WWC2: variants seen among roughly 807,000 people sequenced by gnomAD.
WWC2 encodes WW and C2 domain containing 2.
In WWC2, 101 loss-of-function variants were observed where a neutral mutation model predicts 138.5. That is an observed-to-expected ratio of 0.73 (90% CI 0.62 to 0.86). The LOEUF is 0.86. Ranked by LOEUF, WWC2 falls within the 40% of genes least tolerant of loss-of-function variation. WWC2 has a pLI of 0.00. For synonymous variants in WWC2, 558 were observed against 538.4 expected (o/e 1.04, Z -0.50); for missense variants, 1,420 against 1,419.4 (o/e 1.00, Z -0.01).
Position 183,217,070 on chromosome 4 carries a change from C to T in WWC2, c.522+8045C>T, listed in dbSNP as rs377061570. Among the ~76,000 whole-genome samples, 7 of 152,314 alleles carry T rather than the reference C, an allele frequency of 4.6e-5. No individual in the cohort carries two copies. In the East Asian group the frequency reaches 5.8e-4, roughly 13 times the overall value. ...CTGAGGCTAGTGCTGCATTGGACTT[C>T]TTCTAACAAAAATTGAAAGCAAACA... On this transcript the variant is annotated intron_variant, in intron 4 of 22. Coordinates refer to ENST00000403733, the MANE Select transcript of WWC2 (RefSeq NM_024949.6).
intron 1 of WWC2, among the ~76,000 whole-genome samples, chr4:183,111,343 AG>A (rs1732224423): frequency 6.6e-6 from 1 of 152,248 alleles, no homozygotes. Flanking sequence ...ATGAAGTGGC[AG>A]TGATATTCAG....
chr4:183,276,358 A>G (rs1383941628), intron 16 of WWC2, among the ~76,000 whole-genome samples: 1 of 151,690 alleles, frequency 6.6e-6, no homozygotes, highest in Non-Finnish European at 1.5e-5. Flanking sequence ...TTATCTTCCT[A>G]TTTGTTTTCT....
intron 16 of WWC2, among the ~76,000 whole-genome samples, chr4:183,273,909 T>C (rs1411655287): frequency 1.3e-5 from 2 of 152,224 alleles, no homozygotes; most frequent in Non-Finnish European, 1.5e-5. Flanking sequence ...TCTGATTCAT[T>C]TGAGTTGTTA....
chr4:183,311,584 T>G (rs916124332), intron 21 of WWC2, among the ~76,000 whole-genome samples: 5 of 144,160 alleles, frequency 3.5e-5, no homozygotes, highest in African/African-American at 5.0e-5. Context: ...GCAGGTTTTT[T>G]TTTTTTTTTT....
intron 21 of WWC2, among the ~76,000 whole-genome samples, chr4:183,306,016 T>G (rs999402978): frequency 6.6e-6 from 1 of 152,202 alleles, no homozygotes; most frequent in Non-Finnish European, 1.5e-5. Context: ...ATTTTGTTAT[T>G]ATAAGGTACT....
At chr4:183,260,016 G>A (rs1342500159) in intron 10 of WWC2, among the ~76,000 whole-genome samples, 1 of 152,176 alleles carries the variant, frequency 6.6e-6, no homozygotes, top group East Asian at 1.9e-4. Flanking sequence ...AAAAGGGAAA[G>A]TGGAGGAGCT....
intron 4 of WWC2, chr4:183,233,525 A>G (rs1238617693): frequency 1.3e-5 from 2 of 152,070 alleles, no homozygotes; most frequent in Non-Finnish European, 2.9e-5. Flanking sequence ...TGTTATTTGT[A>G]TCTTGAGATA....
chr4:183,211,776 A>G (rs115463164), intron 4 of WWC2, among the ~76,000 whole-genome samples: 1,518 of 151,530 alleles, frequency 0.01, 30 homozygotes, highest in African/African-American at 0.035. Flanking sequence ...CCTCAAAAGC[A>G]GAAACAGTGC....
rs540888472 is a variant in WWC2 at position 183,120,226 on chromosome 4, CT to C, written c.131+20605del. ...TTTAAACATTCTCAATGTCAGCTGC[CT>C]GAAAGGGAATGTATATAAATTTTAT... On this transcript the variant is annotated intron_variant, in intron 1 of 22. Transcript: ENST00000403733. Among the ~76,000 whole-genome samples, 117 of 152,204 alleles carry C rather than the reference CT, an allele frequency of 7.7e-4. 1 individual carries two copies. Among genetic ancestry groups the C allele is most frequent in the African/African-American group, 2.7e-3 (111 of 41,516 alleles).
At chr4:183,277,069 C>T (rs531938476) in intron 16 of WWC2, among the ~76,000 whole-genome samples, 31 of 150,620 alleles carry the variant, frequency 2.1e-4, no homozygotes, top group African/African-American at 6.3e-4. Flanking sequence ...CATGCTGGTG[C>T]GCTGCACCCA....
intron 21 of WWC2, among the ~76,000 whole-genome samples, chr4:183,302,376 T>C (rs1738873421): frequency 2.0e-5 from 3 of 152,204 alleles, no homozygotes; most frequent in African/African-American, 7.2e-5. Flanking sequence ...CCTTCTAATG[T>C]TTCTAACTGC....
rs1360818805 is a variant in WWC2 at position 183,296,945 on chromosome 4, A to G, written c.3384+7310A>G. On this transcript the variant is annotated intron_variant, in intron 21 of 22. Transcript: ENST00000403733. ...CGAGACTCCGTCTCAAAAAAAAAAA[A>G]AAAAAAAAAAAAAAAAAAAAAAAAT... Among the ~76,000 whole-genome samples the G allele has an allele frequency of 4.7e-5, 3 of 63,240 alleles. No individual in the cohort carries two copies. In the East Asian group the frequency reaches 1.0e-3, roughly 22 times the overall value. 41.5% of individuals were successfully genotyped at this position (63,240 alleles called of 152,430 possible). A position where few individuals can be genotyped will look rare whatever the true frequency, so the allele number is the denominator to read the frequency against.
At chr4:183,132,745 G>A (rs9762784) in intron 1 of WWC2, among the ~76,000 whole-genome samples, 92 of 152,094 alleles carry the variant, frequency 6.0e-4, no homozygotes, top group African/African-American at 2.0e-3. Context: ...GAGCCACCGC[G>A]CCCGGCCGAT....
intron 16 of WWC2, among the ~76,000 whole-genome samples, chr4:183,280,229 G>GTTTTTTTTTTTTTTTTTTTTTTTT (rs869235261): frequency 1.1e-4 from 7 of 65,430 alleles, no homozygotes; most frequent in African/African-American, 1.8e-4. Flanking sequence ...GATAGCAGCT[G>GTTTTTTTTTTTTTTTTTTTTTTTT]TTTTTTTTTT....
chr4:183,297,731 A>C (rs1580162209), intron 21 of WWC2, among the ~76,000 whole-genome samples: 2 of 152,174 alleles, frequency 1.3e-5, no homozygotes, highest in African/African-American at 4.8e-5. Context: ...CTTCTGTTCT[A>C]CTGCTTCACT....
intron 21 of WWC2, among the ~76,000 whole-genome samples, chr4:183,311,020 C>T (rs570388223): frequency 3.0e-4 from 45 of 152,160 alleles, no homozygotes; most frequent in African/African-American, 1.0e-3. Context: ...AAGCAACTTG[C>T]CCAGATTTAC....
intron 1 of WWC2, among the ~76,000 whole-genome samples, chr4:183,151,062 G>A (rs1378581081): frequency 6.6e-6 from 1 of 152,158 alleles, no homozygotes; most frequent in Non-Finnish European, 1.5e-5. Flanking sequence ...CCAGTAATGA[G>A]ATTGCTGGGT....
At chr4:183,279,727 T>G (rs933335853) in intron 16 of WWC2, among the ~76,000 whole-genome samples, 46 of 152,108 alleles carry the variant, frequency 3.0e-4, no homozygotes, top group Admixed American at 2.7e-3. Flanking sequence ...GTCGAGGAAT[T>G]TATCCATTTC....
intron 1 of WWC2, among the ~76,000 whole-genome samples, chr4:183,164,326 TATA>T (rs1211746461): frequency 1.8e-3 from 1 of 554 alleles, no homozygotes; most frequent in Non-Finnish European, 4.1e-3. Flanking sequence ...TATACATATA[TATA>T]TATATATACA....
Sources: allele counts gnomAD v4.1 joint callset (sites outside exome capture counted in the v4.1 genomes callset), GRCh38; gene constraint gnomAD v4.1.1; transcripts MANE v1.5; gene names NCBI Gene and HGNC (gene_info 2026-07-23, HGNC 2026-07-21).